Variants in ATG10 observed in about 807,000 individuals in gnomAD.
ATG10 encodes the protein autophagy related 10.
A neutral mutation model predicts 32.1 loss-of-function variants in ATG10; 30 were observed. That is an observed-to-expected ratio of 0.94 (90% confidence interval 0.70 to 1.27). The LOEUF (loss-of-function observed/expected upper bound fraction) is 1.27, where lower values mean the gene tolerates loss of function less well. Ranked by LOEUF, ATG10 falls within the 50% of genes most tolerant of loss-of-function variation. The pLI is 0.00. For missense variants in ATG10, 233 were observed against 262.3 expected (o/e 0.89, Z 0.77); for synonymous variants, 87 against 91.5 (o/e 0.95, Z 0.28).
chr5:81,987,416 C>T (rs1402823859), intron 1 of ATG10, 143 bp from the exon 2 acceptor site: 7 of 572,278 alleles, frequency 1.2e-5, no homozygotes, highest in East Asian at 9.3e-5. Flanking sequence ...TGAGCCACCA[C>T]GCCTGGCCAA....
chr5:82,036,756 C>T (rs954635169), intron 2 of ATG10, among the ~76,000 whole-genome samples: 4 of 151,894 alleles, frequency 2.6e-5, no homozygotes, highest in African/African-American at 9.7e-5. Flanking sequence ...TTTCCGTATT[C>T]TACAGTAAAG....
intron 3 of ATG10, among the ~76,000 whole-genome samples, chr5:82,065,976 A>G (rs1006602413): frequency 6.6e-6 from 1 of 152,118 alleles, no homozygotes; most frequent in African/African-American, 2.4e-5. Context: ...ATAAGGTGTA[A>G]GTTTTTTTTA....
At chr5:82,118,417 T>TATATATATATATATTATA (rs1472778722) in intron 3 of ATG10, among the ~76,000 whole-genome samples, 4 of 141,198 alleles carry the variant, frequency 2.8e-5, no homozygotes, top group South Asian at 2.2e-4. Flanking sequence ...TATGTATATA[T>TATATATATATATATTATA]TCCCTAGCAC....
rs1021718884 is a variant in ATG10 at position 82,111,515 on chromosome 5, C to T, written c.217-52884C>T. On this transcript the variant is annotated intron_variant, in intron 3 of 7. Coordinates refer to ENST00000282185, the MANE Select transcript of ATG10 (RefSeq NM_031482.5). ...CTTGTGAGGCTGGACTGATGGTTCT[C>T]AGTTTTGTATGTGATTTTCGATTTT... The T allele has an allele frequency of 2.0e-5, 3 of 151,914 alleles. 1 individual carries two copies. The highest frequency in any genetic ancestry group is 2.9e-5 in the Non-Finnish European group (2 of 67,944). The allele number at this position is 151,914 out of a possible 1,614,324, so 9.4% of individuals were successfully genotyped here. A position where few individuals can be genotyped will look rare whatever the true frequency, so the allele number is the denominator to read the frequency against.
At chr5:82,218,856 T>C (rs1467136756) in intron 5 of ATG10, among the ~76,000 whole-genome samples, 1 of 152,208 alleles carries the variant, frequency 6.6e-6, no homozygotes, top group East Asian at 1.9e-4. Flanking sequence ...ATTAAGACTC[T>C]GTCAAGTTTA....
At chr5:82,136,795 C>G (rs1167289956) in intron 3 of ATG10, among the ~76,000 whole-genome samples, 1 of 152,178 alleles carries the variant, frequency 6.6e-6, no homozygotes, top group Admixed American at 6.5e-5. Context: ...GGATAATATC[C>G]TGAAGAGTGT....
At chr5:82,180,347 C>G (rs1286993671) in intron 5 of ATG10, among the ~76,000 whole-genome samples, 1 of 152,152 alleles carries the variant, frequency 6.6e-6, no homozygotes, top group African/African-American at 2.4e-5. Flanking sequence ...CTGTTACTAC[C>G]TGTCCTCTCA....
rs548642546 is a variant in ATG10, at chr5:82,016,625, T to C, written c.108+28947T>C. 2.0e-5 allele frequency among the ~76,000 whole-genome samples: 3 copies of C among 152,082 alleles called. No individual in the cohort carries two copies. In the East Asian group the frequency reaches 5.8e-4, roughly 29 times the overall value. On this transcript the variant is annotated intron_variant, in intron 2 of 7. Coordinates refer to ENST00000282185, the MANE Select transcript of ATG10 (RefSeq NM_031482.5). ...TTTCCAGTTCTGTAAAGAATGATGG[T>C]GGTATTTTGATGGGAATTGCACTGA... is the stretch of plus-strand genomic sequence containing the variant.
chr5:82,196,086 C>G (rs1202127543), intron 5 of ATG10, among the ~76,000 whole-genome samples: 1 of 152,170 alleles, frequency 6.6e-6, no homozygotes, highest in African/African-American at 2.4e-5. Flanking sequence ...AGCTATTCCA[C>G]TGGGTGTGAA....
intron 3 of ATG10, among the ~76,000 whole-genome samples, chr5:82,085,692 C>T (rs1024864568): frequency 2.6e-5 from 4 of 151,432 alleles, no homozygotes; most frequent in Non-Finnish European, 5.9e-5. Flanking sequence ...TATAGAATTG[C>T]AATAGGTACT....
chr5:81,976,821 A>C (rs1488820854), intron 1 of ATG10, among the ~76,000 whole-genome samples: 1 of 152,230 alleles, frequency 6.6e-6, no homozygotes, highest in Non-Finnish European at 1.5e-5. Context: ...TTCACAAAAA[A>C]AATTTGCAAC....
chr5:82,128,475 C>T (rs1032179832), intron 3 of ATG10, among the ~76,000 whole-genome samples: 28 of 142,276 alleles, frequency 2.0e-4, no homozygotes, highest in South Asian at 4.5e-4. Flanking sequence ...TCTTGTAAGG[C>T]AGGCCTGGTG....
intron 5 of ATG10, among the ~76,000 whole-genome samples, chr5:82,231,876 T>C (rs1581832030): frequency 6.6e-6 from 1 of 152,346 alleles, no homozygotes; most frequent in East Asian, 1.9e-4. Flanking sequence ...TTTATACTGA[T>C]TATATTTATC....
chr5:82,109,770 C>T (rs1267605834), intron 3 of ATG10, among the ~76,000 whole-genome samples: 2 of 151,022 alleles, frequency 1.3e-5, no homozygotes, highest in South Asian at 2.1e-4. Context: ...ATCTGCTGAT[C>T]ATACTATGCC....
At chr5:82,035,177 G>T (rs1468214363) in intron 2 of ATG10, among the ~76,000 whole-genome samples, 2 of 152,156 alleles carry the variant, frequency 1.3e-5, no homozygotes, top group East Asian at 1.9e-4. Flanking sequence ...CTCCCAAAGC[G>T]CTGGGATTAC....
intron 3 of ATG10, among the ~76,000 whole-genome samples, chr5:82,145,995 C>T (rs1439768963): frequency 6.6e-6 from 1 of 152,188 alleles, no homozygotes; most frequent in East Asian, 1.9e-4. Flanking sequence ...GCGTGAGCCA[C>T]CGCGCCTGGC....
rs962974437 is a variant in ATG10 at position 82,029,371 on chromosome 5, A to G, written c.109-29124A>G. ...TACAAAGTTTCATATAAACACCACA[A>G]AATCCCCTCCAGTTTACCCTATTAT... On this transcript the variant is annotated intron_variant, in intron 2 of 7. Coordinates refer to ENST00000282185, the MANE Select transcript of ATG10 (RefSeq NM_031482.5). Among the ~76,000 whole-genome samples, 24 of 152,232 alleles carry G rather than the reference A, an allele frequency of 1.6e-4. 2 individuals carry two copies. Among genetic ancestry groups the G allele is most frequent in the Admixed American group, 1.4e-3 (22 of 15,284 alleles).
chr5:82,017,023 A>C, intron 2 of ATG10, among the ~76,000 whole-genome samples: 1 of 152,058 alleles, frequency 6.6e-6, no homozygotes, highest in Non-Finnish European at 1.5e-5. Flanking sequence ...ATATCAATTC[A>C]ACCCCTCCAA....
At chr5:82,144,778 C>T (rs1329573347) in intron 3 of ATG10, among the ~76,000 whole-genome samples, 1 of 151,902 alleles carries the variant, frequency 6.6e-6, no homozygotes, top group Non-Finnish European at 1.5e-5. Flanking sequence ...AATTAATATT[C>T]TACAGTTTTG....
Sources: gnomAD v4.1 joint callset for allele counts (sites outside exome capture counted in the v4.1 genomes callset) on GRCh38, gnomAD v4.1.1 for gene constraint, MANE v1.5 for transcripts, NCBI Gene and HGNC (gene_info 2026-07-23, HGNC 2026-07-21) for gene names.